The following SH3D19 variants were observed in gnomAD, a reference collection of about 807,000 sequenced individuals.
The protein encoded by SH3D19 is SH3 domain containing 19.
In SH3D19, 58 loss-of-function variants were observed where a neutral mutation model predicts 112.1. The observed-to-expected ratio is 0.52, with a 90% CI of 0.42 to 0.64. The LOEUF is 0.64. Ranked by LOEUF, SH3D19 falls within the 30% of genes least tolerant of loss-of-function variation. SH3D19 has a pLI of 0.00. For synonymous variants in SH3D19, 391 were observed against 448.5 expected, an observed-to-expected ratio of 0.87 and a Z score of 1.62; for missense variants, 1,090 against 1,263.4, an observed-to-expected ratio of 0.86 and a Z score of 2.08.
intron 1 of SH3D19, among the ~76,000 whole-genome samples, chr4:151,324,188 TCAAG>T (rs1730820456): frequency 6.6e-6 from 1 of 152,226 alleles, no homozygotes; most frequent in Non-Finnish European, 1.5e-5. Context: ...GACTATTTCT[TCAAG>T]ATGTTCTTCT....
chr4:151,166,831 G>C (rs1464619063), intron 7 of SH3D19, among the ~76,000 whole-genome samples: 1 of 152,128 alleles, frequency 6.6e-6, no homozygotes, highest in Non-Finnish European at 1.5e-5. Context: ...AAGCCCTTTT[G>C]GCAATCTGAT....
At chr4:151,279,056 T>C (rs1289251021) in intron 1 of SH3D19, 5 of 391,324 alleles carry the variant, frequency 1.3e-5, no homozygotes, top group African/African-American at 2.2e-5. Flanking sequence ...CTGTTGTCAG[T>C]ATCCACCTCT....
chr4:151,219,796 A>C (rs1439340551), intron 2 of SH3D19, among the ~76,000 whole-genome samples: 1 of 152,226 alleles, frequency 6.6e-6, no homozygotes, highest in Non-Finnish European at 1.5e-5. Flanking sequence ...CATGTACATA[A>C]ATCTTAAATT....
At chr4:151,298,038 C>T (rs1775818013) in intron 1 of SH3D19, among the ~76,000 whole-genome samples, 1 of 152,138 alleles carries the variant, frequency 6.6e-6, no homozygotes, top group African/African-American at 2.4e-5. Context: ...CCAGGCAATA[C>T]AGGTGGCCAC....
In SH3D19 at chr4:151,123,454, C is replaced by T. The variant is rs566195652; in HGVS notation, c.3028-1247G>A. Among the ~76,000 whole-genome samples, 10 of 152,284 alleles carry T rather than the reference C, an allele frequency of 6.6e-5. No individual in the cohort carries two copies. In the South Asian group the frequency reaches 1.9e-3, roughly 28 times the overall value. ...CTACCATCTGGTTTATCACATTCCT[C>T]CTATGGCCCCAGTATCTTTTGTTTT... On this transcript the variant is annotated intron_variant, in intron 19 of 19. Coordinates refer to ENST00000604030, the MANE Select transcript of SH3D19 (RefSeq NM_001378122.1).
At chr4:151,216,435 A>T (rs1767115631) in intron 2 of SH3D19, among the ~76,000 whole-genome samples, 1 of 152,218 alleles carries the variant, frequency 6.6e-6, no homozygotes, top group Non-Finnish European at 1.5e-5. Context: ...ATGTATACAA[A>T]CTTCACTTGA....
chr4:151,302,807 G>A (rs1728564453), intron 1 of SH3D19, among the ~76,000 whole-genome samples: 1 of 145,760 alleles, frequency 6.9e-6, no homozygotes, highest in South Asian at 2.3e-4. Context: ...TCATAGGTGG[G>A]AACTGAACAA....
intron 7 of SH3D19, among the ~76,000 whole-genome samples, chr4:151,173,952 C>T (rs889538425): frequency 2.6e-5 from 4 of 152,204 alleles, no homozygotes; most frequent in Admixed American, 2.0e-4. Context: ...ATCACACTCT[C>T]CAACGGAACA....
chr4:151,255,608 C>T (rs1343992933), intron 1 of SH3D19, among the ~76,000 whole-genome samples: 1 of 152,078 alleles, frequency 6.6e-6, no homozygotes, highest in African/African-American at 2.4e-5. Context: ...AGACGCTCCT[C>T]ACTTCCCAGA....
intron 1 of SH3D19, among the ~76,000 whole-genome samples, chr4:151,263,407 T>C (rs539633821): frequency 6.6e-6 from 1 of 152,280 alleles, no homozygotes; most frequent in South Asian, 2.1e-4. Context: ...ACTTGGAAGA[T>C]TAGAAGATTT....
At chr4:151,180,674 G>A (rs563694285) in intron 3 of SH3D19, among the ~76,000 whole-genome samples, 1 of 151,054 alleles carries the variant, frequency 6.6e-6, no homozygotes, top group East Asian at 2.0e-4. Context: ...CCAAAGTGCT[G>A]GCTTTACAGG....
intron 4 of SH3D19, 85 bp downstream of exon 4, chr4:151,179,270 T>C: frequency 1.5e-6 from 1 of 676,282 alleles, no homozygotes; most frequent in Non-Finnish European, 2.1e-6. Flanking sequence ...CTTATGAAAG[T>C]GAAACATTTA....
rs756419467 is a variant in SH3D19 at position 151,128,351 on chromosome 4, G to A, written c.2748C>T (p.Asn916=). The A allele has an allele frequency of 1.9e-6, 3 of 1,612,506 alleles. No individual in the cohort carries two copies. Among genetic ancestry groups the A allele is most frequent in the Middle Eastern group, 1.7e-4 (1 of 6,052 alleles). The change falls in exon 18 of 20, where the codon AAC becomes AAT. Residue 916 remains asparagine, a synonymous_variant. Transcript: ENST00000604030. ...KEDSGSNSQV[N]SLPAEWCEAL... Reference sequence around the variant, plus strand: ...CTTCACACCATTCTGCCGGAAGACTGTTAACCTGTTATCAAATTAGAGGTG... The same window carrying A: ...CTTCACACCATTCTGCCGGAAGACTATTAACCTGTTATCAAATTAGAGGTG...
At chr4:151,127,274 G>C (rs1480217165) in intron 19 of SH3D19, among the ~76,000 whole-genome samples, 7 of 152,186 alleles carry the variant, frequency 4.6e-5, no homozygotes, top group Admixed American at 2.0e-4. Flanking sequence ...TGGCAGGCTT[G>C]CAGGGCCATG....
chr4:151,277,094 TG>T, intron 1 of SH3D19: 1 of 1,127,414 alleles, frequency 8.9e-7, no homozygotes, highest in Non-Finnish European at 1.2e-6. Flanking sequence ...AAGCTAGTTC[TG>T]GCAGCTCCCC....
chr4:151,283,099 T>C, intron 1 of SH3D19: 1 of 1,612,306 alleles, frequency 6.2e-7, no homozygotes, highest in Non-Finnish European at 8.5e-7. Context: ...AATCTTTTGT[T>C]CCTGTCTTCC....
chr4:151,236,591 C>T (rs1211419513), intron 1 of SH3D19, among the ~76,000 whole-genome samples: 2 of 151,510 alleles, frequency 1.3e-5, no homozygotes, highest in Non-Finnish European at 2.9e-5. Flanking sequence ...TGTAAATGCA[C>T]CAATCAGCGC....
chr4:151,316,746 C>CAAGCTTACAGTTCCTG (rs1232023991), intron 1 of SH3D19, among the ~76,000 whole-genome samples: 9 of 152,010 alleles, frequency 5.9e-5, no homozygotes, highest in Admixed American at 2.0e-4. Flanking sequence ...ACCACAAGGA[C>CAAGCTTACAGTTCCTG]AAGCTTACAG....
intron 1 of SH3D19, among the ~76,000 whole-genome samples, chr4:151,281,161 A>G (rs573437178): frequency 6.6e-6 from 1 of 152,284 alleles, no homozygotes; most frequent in South Asian, 2.1e-4. Context: ...GAGGGCTCCA[A>G]AAAAAAGATA....
Sources: gnomAD v4.1 joint callset for allele counts (sites outside exome capture counted in the v4.1 genomes callset) on GRCh38, gnomAD v4.1.1 for gene constraint, MANE v1.5 for transcripts, NCBI Gene and HGNC (gene_info 2026-07-23, HGNC 2026-07-21) for gene names.